The following CPNE4 variants were observed in gnomAD, a reference collection of about 807,000 sequenced individuals.
CPNE4 encodes the protein copine 4.
In CPNE4, 25 loss-of-function variants were observed where a neutral mutation model predicts 67.9. The observed-to-expected ratio is 0.37, with a 90% confidence interval of 0.27 to 0.51. The LOEUF (loss-of-function observed/expected upper bound fraction) is 0.51. CPNE4 is among the 20% of genes least tolerant of loss of function. The probability of loss-of-function intolerance (pLI) is 0.93; values close to 1 mark genes in which losing one functional copy is unlikely to be tolerated. For synonymous variants in CPNE4, 242 were observed against 244.9 expected (o/e 0.99, Z 0.11); for missense variants, 464 against 690.8 (o/e 0.67, Z 3.68).
At chr3:131,686,220 C>T (rs557152454) in intron 5 of CPNE4, among the ~76,000 whole-genome samples, 2 of 152,328 alleles carry the variant, frequency 1.3e-5, no homozygotes, top group South Asian at 2.1e-4. Flanking sequence ...CATCTGAAAG[C>T]TAAGTTCTTT....
intron 14 of CPNE4, among the ~76,000 whole-genome samples, chr3:131,546,739 T>A (rs1372981036): frequency 1.3e-5 from 2 of 152,144 alleles, no homozygotes; most frequent in South Asian, 4.1e-4. Context: ...TTAGTTCTGT[T>A]CTCTTTTTAG....
chr3:131,792,608 T>TGTGTATATATGTATATATATATATACAC (rs2083758383), intron 2 of CPNE4, among the ~76,000 whole-genome samples: 1 of 91,368 alleles, frequency 1.1e-5, no homozygotes, highest in African/African-American at 3.7e-5. Context: ...TATATGTGTG[T>TGTGTATATATGTATATATATATATACAC]GTGTATATAT....
At chr3:131,829,355 G>C (rs1206113267) in intron 2 of CPNE4, among the ~76,000 whole-genome samples, 1 of 152,088 alleles carries the variant, frequency 6.6e-6, no homozygotes, top group Non-Finnish European at 1.5e-5. Flanking sequence ...GAATATCTTT[G>C]TTTTCTATGT....
chr3:131,797,635 AT>A (rs545612620), intron 2 of CPNE4, among the ~76,000 whole-genome samples: 2 of 152,346 alleles, frequency 1.3e-5, no homozygotes, highest in East Asian at 3.9e-4. Flanking sequence ...TTTAAATACA[AT>A]AGATACACAA....
chr3:131,630,827 T>A (rs1397878024), intron 7 of CPNE4, among the ~76,000 whole-genome samples: 2 of 152,188 alleles, frequency 1.3e-5, no homozygotes, highest in Non-Finnish European at 2.9e-5. Context: ...TTAGACTCAA[T>A]GAAATATAGT....
At chr3:131,666,196 C>G (rs2080256996) in intron 7 of CPNE4, among the ~76,000 whole-genome samples, 1 of 152,046 alleles carries the variant, frequency 6.6e-6, no homozygotes, top group African/African-American at 2.4e-5. Flanking sequence ...GGAAGTTAAT[C>G]TTTTCTGAAT....
At chr3:131,552,858 T>C (rs1441202716) in intron 12 of CPNE4, among the ~76,000 whole-genome samples, 2 of 152,058 alleles carry the variant, frequency 1.3e-5, no homozygotes, top group African/African-American at 4.8e-5. Flanking sequence ...GACCCAGTGA[T>C]TAAAACAAAA....
At chr3:131,904,197 A>G (rs2088657842) in intron 2 of CPNE4, among the ~76,000 whole-genome samples, 1 of 152,108 alleles carries the variant, frequency 6.6e-6, no homozygotes, top group Non-Finnish European at 1.5e-5. Context: ...GGATGTCTGA[A>G]TGTGGTTTTG....
intron 2 of CPNE4, among the ~76,000 whole-genome samples, chr3:131,752,304 T>C (rs2082648822): frequency 6.6e-6 from 1 of 152,100 alleles, no homozygotes; most frequent in Non-Finnish European, 1.5e-5. Flanking sequence ...CCACAATATT[T>C]TTCTCTGGTG....
intron 10 of CPNE4, among the ~76,000 whole-genome samples, chr3:131,572,248 T>C (rs932251574): frequency 9.2e-5 from 14 of 151,950 alleles, no homozygotes; most frequent in African/African-American, 3.1e-4. Flanking sequence ...ACTCAAAAGG[T>C]GATTGAGGAA....
intron 1 of CPNE4, among the ~76,000 whole-genome samples, chr3:132,023,737 T>C (rs982496811): frequency 2.5e-4 from 38 of 152,268 alleles, no homozygotes; most frequent in African/African-American, 8.4e-4. Context: ...TCCGCCCTCC[T>C]CGGCCTCCCA....
At chr3:131,590,533 C>T (rs1938464019) in intron 7 of CPNE4, among the ~76,000 whole-genome samples, 1 of 152,090 alleles carries the variant, frequency 6.6e-6, no homozygotes, top group African/African-American at 2.4e-5. Flanking sequence ...ACTTAAAGTA[C>T]TATCGTAGGA....
intron 2 of CPNE4, among the ~76,000 whole-genome samples, chr3:131,858,689 A>G (rs2086552012): frequency 1.3e-5 from 2 of 152,190 alleles, no homozygotes. Context: ...GGCAACTTAA[A>G]TACTATGAGT....
At chr3:131,654,860 C>G (rs1009067488) in intron 7 of CPNE4, among the ~76,000 whole-genome samples, 8 of 152,158 alleles carry the variant, frequency 5.3e-5, no homozygotes, top group African/African-American at 1.7e-4. Flanking sequence ...TAGAGGCTCA[C>G]TAACCATACT....
rs531344421 is a variant in CPNE4 at position 131,656,176 on chromosome 3, A to G, written c.681+13499T>C. The stretch of plus-strand genomic sequence containing the variant: ...CTTCCTTTCCTTCTTCTAACTCCCT[A>G]TGGCTGGTGGAGGGAAAGTTATGTT... On this transcript the variant is annotated intron_variant, in intron 7 of 15. Coordinates refer to ENST00000429747, the MANE Select transcript of CPNE4 (RefSeq NM_130808.3). 4.7e-4 allele frequency among the ~76,000 whole-genome samples: 69 copies of G among 148,142 alleles called. 1 individual carries two copies. The highest frequency in any genetic ancestry group is 1.6e-3 in the African/African-American group (64 of 40,042).
chr3:131,791,224 C>T (rs1220852557), intron 2 of CPNE4, among the ~76,000 whole-genome samples: 1 of 152,092 alleles, frequency 6.6e-6, no homozygotes, highest in Non-Finnish European at 1.5e-5. Flanking sequence ...TAAATGCTTA[C>T]AACTGAGAAA....
chr3:131,840,517 A>G (rs2085732726), intron 2 of CPNE4, among the ~76,000 whole-genome samples: 1 of 152,218 alleles, frequency 6.6e-6, no homozygotes, highest in African/African-American at 2.4e-5. Context: ...GGACTGTCAA[A>G]GCAGCAAGAC....
chr3:131,950,746 A>G (rs1375726225), intron 1 of CPNE4, among the ~76,000 whole-genome samples: 1 of 152,202 alleles, frequency 6.6e-6, no homozygotes, highest in Non-Finnish European at 1.5e-5. Context: ...GATGTTAGCA[A>G]ATTGTTATTC....
At chr3:131,997,222 C>T (rs1389718857) in intron 1 of CPNE4, among the ~76,000 whole-genome samples, 1 of 152,070 alleles carries the variant, frequency 6.6e-6, no homozygotes, top group African/African-American at 2.4e-5. Context: ...CAGACCACTC[C>T]AGAATTCAAT....
Sources: allele counts gnomAD v4.1 joint callset (sites outside exome capture counted in the v4.1 genomes callset), GRCh38; gene constraint gnomAD v4.1.1; transcripts MANE v1.5; gene names NCBI Gene and HGNC (gene_info 2026-07-23, HGNC 2026-07-21).